Variants in ZC3H7A observed in about 807,000 individuals in gnomAD.
The protein encoded by ZC3H7A is zinc finger CCCH domain-containing protein 7A.
ZC3H7A carries 44 observed loss-of-function variants against 125.5 expected under a neutral mutation model. The observed-to-expected ratio is 0.35, with a 90% CI of 0.28 to 0.45. The LOEUF is 0.45. ZC3H7A is among the 20% of genes least tolerant of loss of function. The pLI, the probability that ZC3H7A is intolerant of heterozygous loss-of-function variation, is 1.00. For synonymous variants in ZC3H7A, 399 were observed against 391.2 expected, an observed-to-expected ratio of 1.02 and a Z score of -0.23; for missense variants, 977 against 1,170.7, an observed-to-expected ratio of 0.83 and a Z score of 2.41.
chr16:11,769,489 C>G (rs1015764380), intron 10 of ZC3H7A, among the ~76,000 whole-genome samples: 10 of 151,764 alleles, frequency 6.6e-5, no homozygotes, highest in Non-Finnish European at 1.2e-4. Flanking sequence ...GGGTAGATCA[C>G]TTGAGGTCAG....
At chr16:11,763,710 AATATATATATATAT>A (rs55932357) in intron 15 of ZC3H7A, 51 bp from the exon 16 acceptor site, 102 of 229,060 alleles carry the variant, frequency 4.5e-4, no homozygotes, top group African/African-American at 1.8e-3. Context: ...AGATTTTTCA[AATATATATATATAT>A]ATATATATAT....
At position 11,751,097 on chromosome 16, in the gene ZC3H7A, G is replaced by A. The variant is rs750320936; in HGVS notation, c.*220C>T. 1 of 462,160 alleles carries A rather than the reference G, an allele frequency of 2.2e-6. No individual in the cohort carries two copies. Among genetic ancestry groups the A allele is most frequent in the East Asian group, 3.8e-5 (1 of 26,592 alleles). The allele number at this position is 462,160 out of a possible 1,614,324, so 28.6% of individuals were successfully genotyped here. On this transcript the variant is annotated 3_prime_UTR_variant, in exon 23 of 23. Transcript: ENST00000355758. The stretch of plus-strand genomic sequence containing the variant: ...AAGTCTGTTCAACAGATGGCAACCG[G>A]GTAGCAGTCACTTCACCATCTGATG...
intron 19 of ZC3H7A, among the ~76,000 whole-genome samples, chr16:11,760,504 C>T (rs561694843): frequency 4.3e-4 from 66 of 152,314 alleles, no homozygotes; most frequent in Admixed American, 9.2e-4. Context: ...TACAAAACTG[C>T]AAGGTACTGT....
At position 11,765,648 on chromosome 16, in the gene ZC3H7A, G is replaced by A; in HGVS notation, c.1560C>T (p.His520=). Residue 520 remains histidine, a synonymous_variant, in exon 14 of 23, where the codon CAC becomes CAT. Transcript: ENST00000355758. The surrounding 1 kb of genome is among the most constrained non-coding windows in gnomAD (Gnocchi z 4.8). ...CCTCTTGGCAATAAGCAAACGTGCA[G>A]TGGCCTGAATATCTACATTCCTCCT... is the stretch of plus-strand genomic sequence containing the variant. ...AAEEECRYSG[H]CTFAYCQEEI... is the part of the protein sequence containing the mutation. 1 of 1,613,882 alleles carries A rather than the reference G, an allele frequency of 6.2e-7. No individual in the cohort carries two copies. The highest frequency in any genetic ancestry group is 8.5e-7 in the Non-Finnish European group (1 of 1,179,866).
rs1039305224 is a variant in ZC3H7A, at chr16:11,762,133, C to G, written c.2080-90G>C. ...ACTAAATCAAGATGCATTTTTTTCA[C>G]AATAGTATACAATTTCCCATTTTTA... On this transcript the variant is annotated intron_variant, in intron 17 of 22. Transcript: ENST00000355758. 10 of 1,279,692 alleles carry G rather than the reference C, an allele frequency of 7.8e-6. No individual in the cohort carries two copies. The South Asian group carries it at 9.5e-5, about 12-fold the overall frequency. 79.3% of individuals were successfully genotyped at this position (1,279,692 alleles called of 1,614,324 possible).
intron 9 of ZC3H7A, among the ~76,000 whole-genome samples, chr16:11,771,507 C>CT (rs904885075): frequency 5.4e-4 from 80 of 148,054 alleles, no homozygotes; most frequent in African/African-American, 9.6e-4. Flanking sequence ...GGATGTCTAA[C>CT]TTTTTTTTTT....
intron 1 of ZC3H7A, among the ~76,000 whole-genome samples, chr16:11,788,567 C>G (rs1373090939): frequency 6.9e-6 from 1 of 144,802 alleles, no homozygotes; most frequent in Non-Finnish European, 1.5e-5. Flanking sequence ...ACCACTGTTA[C>G]CAGTCTCAGA....
At chr16:11,774,550 C>T in intron 8 of ZC3H7A, 31 bp from the exon 9 acceptor site, 1 of 1,488,450 alleles carries the variant, frequency 6.7e-7, no homozygotes, top group African/African-American at 1.4e-5. Context: ...TACTCAGTCA[C>T]TTTCATCGTA....
intron 1 of ZC3H7A, 147 bp from the exon 2 acceptor site, chr16:11,782,535 C>G: frequency 1.7e-6 from 1 of 585,522 alleles, no homozygotes; most frequent in Non-Finnish European, 3.0e-6. Flanking sequence ...CGGCAGGGAC[C>G]GTACAGGAGT....
chr16:11,761,728 C>G, intron 18 of ZC3H7A, 182 bp downstream of exon 18: 1 of 905,656 alleles, frequency 1.1e-6, no homozygotes, highest in Non-Finnish European at 1.6e-6. Flanking sequence ...GAAAAAAACA[C>G]TACTTGTGAA....
chr16:11,757,344 T>A (rs181171845), intron 20 of ZC3H7A, among the ~76,000 whole-genome samples: 5 of 150,168 alleles, frequency 3.3e-5, no homozygotes, highest in African/African-American at 1.2e-4. Flanking sequence ...ATTAGCCGGG[T>A]GTGGTGGCAG....
At chr16:11,787,727 C>A (rs2053280395) in intron 1 of ZC3H7A, among the ~76,000 whole-genome samples, 1 of 152,038 alleles carries the variant, frequency 6.6e-6, no homozygotes, top group Non-Finnish European at 1.5e-5. Flanking sequence ...GGGCAGATCA[C>A]CTGAGGTCAG....
chr16:11,793,709 T>A (rs2053388865), intron 1 of ZC3H7A, among the ~76,000 whole-genome samples: 1 of 152,156 alleles, frequency 6.6e-6, no homozygotes, highest in South Asian at 2.1e-4. Flanking sequence ...CTTGCAACAC[T>A]TACAAAAGCA....
chr16:11,790,118 A>AAAGG (rs1383969423), intron 1 of ZC3H7A, among the ~76,000 whole-genome samples: 9 of 151,812 alleles, frequency 5.9e-5, no homozygotes, highest in African/African-American at 2.2e-4. Flanking sequence ...TCTAAAGGAT[A>AAAGG]AAGGGCATAT....
chr16:11,786,881 G>A (rs986643176), intron 1 of ZC3H7A, among the ~76,000 whole-genome samples: 5 of 152,024 alleles, frequency 3.3e-5, no homozygotes, highest in Admixed American at 2.6e-4. Flanking sequence ...TCATCAGTCC[G>A]TCTTACTGTT....
At chr16:11,796,568 G>T (rs2053440435) in intron 1 of ZC3H7A, 1 of 153,476 alleles carries the variant, frequency 6.5e-6, no homozygotes, top group Non-Finnish European at 1.5e-5. Context: ...GGAACTGACA[G>T]GTCCCGGTCC....
intron 21 of ZC3H7A, among the ~76,000 whole-genome samples, chr16:11,755,049 A>T (rs2052618694): frequency 6.6e-6 from 1 of 151,720 alleles, no homozygotes; most frequent in Admixed American, 6.6e-5. Context: ...CTCTACCAAA[A>T]ACACAAAAAA....
chr16:11,763,424 T>C, intron 16 of ZC3H7A, 54 bp downstream of exon 16: 2 of 1,525,670 alleles, frequency 1.3e-6, no homozygotes, highest in Non-Finnish European at 1.8e-6. Context: ...TACTGTTTCA[T>C]TAAACCCTGT....
chr16:11,779,232 T>G lies in ZC3H7A; in HGVS notation c.240A>C (p.Glu80Asp), dbSNP rs202245055. The change falls in exon 4 of 23, where the codon GAA (glutamate) becomes GAC (aspartate). Residue 80 changes from glutamate (E) to aspartate (D), a missense_variant. Around this residue, in one of 3 missense-constraint regions of ZC3H7A, gnomAD observed 199 missense variants for 256.1 expected, o/e 0.78. Coordinates refer to ENST00000355758, the MANE Select transcript of ZC3H7A (RefSeq NM_014153.4). ...LNIADYAKSE[E>D]ILIPKEIIEK... ...CAATTATTTCTTTGGGGATTAAAAT[T>G]TCTTCAGATTTTGCATAATCAGCTA... 4.3e-6 allele frequency: 7 copies of G among 1,612,648 alleles called. No homozygotes were observed. Among genetic ancestry groups the G allele is most frequent in the South Asian group, 3.3e-5 (3 of 90,904 alleles).
Sources: allele counts gnomAD v4.1 joint callset (sites outside exome capture counted in the v4.1 genomes callset), GRCh38; gene constraint gnomAD v4.1.1; regional missense constraint gnomAD v4.1.1; non-coding constraint Gnocchi (gnomAD v3.1); transcripts MANE v1.5; gene names NCBI Gene and HGNC (gene_info 2026-07-23, HGNC 2026-07-21).